IL20RA: variants seen among roughly 807,000 people sequenced by gnomAD.
IL20RA encodes interleukin-20 receptor subunit alpha.
IL20RA carries 29 observed loss-of-function variants against 36.5 expected under a neutral mutation model. The ratio of observed to expected loss-of-function variants is 0.79; its 90% CI spans 0.59 to 1.08. The LOEUF (loss-of-function observed/expected upper bound fraction) is 1.08, where lower values mean the gene tolerates loss of function less well. Among genes scored for constraint, IL20RA ranks in the 50% least tolerant of loss-of-function variants. IL20RA has a pLI of 0.00. For synonymous variants in IL20RA, 279 were observed against 267.1 expected (o/e 1.04, Z -0.43); for missense variants, 652 against 668.4 (o/e 0.98, Z 0.27).
chr6:137,039,699 T>C (rs1776614382), intron 1 of IL20RA, among the ~76,000 whole-genome samples: 1 of 152,094 alleles, frequency 6.6e-6, no homozygotes, highest in Admixed American at 6.5e-5. Flanking sequence ...TATAGTGTAA[T>C]GGGAAAGAGG....
chr6:137,034,652 A>C, intron 1 of IL20RA, among the ~76,000 whole-genome samples: 1 of 152,074 alleles, frequency 6.6e-6, no homozygotes, highest in East Asian at 1.9e-4. Context: ...AAGAGTGAGA[A>C]CATGTGGGCC....
At chr6:137,034,405 T>A (rs539857765) in intron 1 of IL20RA, among the ~76,000 whole-genome samples, 12 of 152,142 alleles carry the variant, frequency 7.9e-5, no homozygotes, top group Non-Finnish European at 1.3e-4. Flanking sequence ...TTTTTATATT[T>A]TATTTTATTT....
chr6:137,012,322 T>C lies in IL20RA; in HGVS notation c.225-870A>G, dbSNP rs185716190. 1.5e-3 allele frequency among the ~76,000 whole-genome samples: 223 copies of C among 152,172 alleles called. 1 individual carries two copies. The highest frequency in any genetic ancestry group is 4.7e-3 in the African/African-American group (197 of 41,528). On this transcript the variant is annotated intron_variant, in intron 2 of 6. Transcript: ENST00000316649. ...AGATAGGACTTGGTGATAGAAAACA[T>C]GTAACAGATTAGGGAAATGAAGGTG...
chr6:137,006,387 T>A (rs540195366), intron 5 of IL20RA, among the ~76,000 whole-genome samples: 1 of 152,326 alleles, frequency 6.6e-6, no homozygotes, highest in African/African-American at 2.4e-5. Context: ...GCCCTGCTTG[T>A]AGCCTATAAC....
chr6:137,017,204 C>A lies in IL20RA; in HGVS notation c.89-101G>T, dbSNP rs60278441. The stretch of plus-strand genomic sequence containing the variant: ...CAGAGATGGCCCCCAATACGGCCTT[C>A]CAGTATGCATGCCCTATGTAACATC... On this transcript the variant is annotated intron_variant, in intron 1 of 6. Coordinates refer to ENST00000316649, the MANE Select transcript of IL20RA (RefSeq NM_014432.4). 20,598 of 849,316 alleles carry A rather than the reference C, an allele frequency of 0.024. 2,852 individuals are homozygous for A. The African/African-American group carries it at 0.3, about 12-fold the overall frequency. 52.6% of individuals were successfully genotyped at this position (849,316 alleles called of 1,614,324 possible).
intron 6 of IL20RA, 75 bp downstream of exon 6, chr6:137,004,546 G>A: frequency 3.6e-6 from 5 of 1,372,686 alleles, no homozygotes; most frequent in Non-Finnish European, 5.1e-6. Context: ...AACTGAATCT[G>A]TTCTAGAACC....
At chr6:137,005,698 C>T (rs981803421) in intron 5 of IL20RA, among the ~76,000 whole-genome samples, 2 of 152,020 alleles carry the variant, frequency 1.3e-5, no homozygotes, top group African/African-American at 4.8e-5. Flanking sequence ...TTTCAATCAG[C>T]AGGTTTTTGA....
At chr6:137,011,154 G>C in intron 3 of IL20RA, 120 bp downstream of exon 3, 2 of 731,096 alleles carry the variant, frequency 2.7e-6, no homozygotes, top group South Asian at 4.4e-5. Flanking sequence ...TCAACCCACT[G>C]GTCCAGAATA....
chr6:137,027,304 T>C (rs538118850), intron 1 of IL20RA, among the ~76,000 whole-genome samples: 56 of 152,354 alleles, frequency 3.7e-4, no homozygotes, highest in African/African-American at 1.1e-3. Flanking sequence ...TTAGTTCCGT[T>C]GCACTTGATT....
rs1171790258 is a variant in IL20RA, at chr6:137,000,757, G to T, written c.*801C>A. The T allele has an allele frequency of 1.3e-5, 2 of 152,140 alleles. No homozygotes were observed. Among genetic ancestry groups the T allele is most frequent in the African/African-American group, 4.8e-5 (2 of 41,432 alleles). The allele number at this position is 152,140 out of a possible 1,614,324, so 9.4% of individuals were successfully genotyped here. ...TTTACCTAACACTTTCTAGTTTACA[G>T]ACTATGTAAATATCTTTTTGAAAAC... On this transcript the variant is annotated 3_prime_UTR_variant, in exon 7 of 7. Coordinates refer to ENST00000316649, the MANE Select transcript of IL20RA (RefSeq NM_014432.4).
chr6:137,025,303 C>A (rs1776048886), intron 1 of IL20RA, among the ~76,000 whole-genome samples: 1 of 152,054 alleles, frequency 6.6e-6, no homozygotes, highest in African/African-American at 2.4e-5. Context: ...ATAAAAGAGG[C>A]CCCAGAGAGG....
intron 1 of IL20RA, among the ~76,000 whole-genome samples, chr6:137,025,906 G>A (rs1198580108): frequency 2.6e-5 from 4 of 152,212 alleles, no homozygotes; most frequent in Non-Finnish European, 4.4e-5. Flanking sequence ...AAGGTTCTCA[G>A]GGTGAACTCA....
At chr6:137,013,579 A>T (rs1775568659) in intron 2 of IL20RA, among the ~76,000 whole-genome samples, 1 of 152,188 alleles carries the variant, frequency 6.6e-6, no homozygotes, top group South Asian at 2.1e-4. Context: ...TGACTAGTAA[A>T]CAGCATTCCT....
chr6:137,004,152 C>A (rs1775179322), intron 6 of IL20RA, among the ~76,000 whole-genome samples: 3 of 112,812 alleles, frequency 2.7e-5, no homozygotes, highest in South Asian at 2.8e-4. Flanking sequence ...TCAGCTAATC[C>A]AGAAAGCTTT....
At chr6:137,027,331 C>G (rs1776127863) in intron 1 of IL20RA, among the ~76,000 whole-genome samples, 1 of 152,210 alleles carries the variant, frequency 6.6e-6, no homozygotes, top group Non-Finnish European at 1.5e-5. Context: ...CCCTAACCAC[C>G]ACCTCACTAT....
chr6:137,017,853 T>C (rs1775759902), intron 1 of IL20RA, among the ~76,000 whole-genome samples: 1 of 151,984 alleles, frequency 6.6e-6, no homozygotes, highest in African/African-American at 2.4e-5. Context: ...TGTAGAGAAA[T>C]GGTAAAGAAT....
chr6:137,029,075 T>C (rs1013260389), intron 1 of IL20RA, among the ~76,000 whole-genome samples: 4 of 152,186 alleles, frequency 2.6e-5, no homozygotes, highest in African/African-American at 9.7e-5. Context: ...TGAAATTCAT[T>C]GTTGTGAGAT....
At chr6:137,031,712 T>C (rs1026936222) in intron 1 of IL20RA, among the ~76,000 whole-genome samples, 19 of 152,182 alleles carry the variant, frequency 1.2e-4, no homozygotes, top group African/African-American at 4.6e-4. Flanking sequence ...ACTATGTCCT[T>C]CGTATAATCC....
At chr6:137,027,051 T>G (rs2115405273) in intron 1 of IL20RA, among the ~76,000 whole-genome samples, 1 of 152,000 alleles carries the variant, frequency 6.6e-6, no homozygotes, top group East Asian at 1.9e-4. Context: ...CCCAGCTAAT[T>G]TTTGTATTTT....
Sources: gnomAD v4.1 joint callset for allele counts (sites outside exome capture counted in the v4.1 genomes callset) on GRCh38, gnomAD v4.1.1 for gene constraint, MANE v1.5 for transcripts, NCBI Gene and HGNC (gene_info 2026-07-23, HGNC 2026-07-21) for gene names.